BRCC3: variants seen among roughly 807,000 people sequenced by gnomAD.
BRCC3 encodes the protein lys-63-specific deubiquitinase BRCC36.
In BRCC3, 15 loss-of-function variants were observed where a neutral mutation model predicts 28.0. The observed-to-expected ratio is 0.54, with a 90% CI of 0.36 to 0.82. BRCC3 has a LOEUF of 0.82. BRCC3 is among the 40% of genes least tolerant of loss of function. The probability of loss-of-function intolerance (pLI) is 0.01; values close to 1 mark genes in which losing one functional copy is unlikely to be tolerated. For missense variants in BRCC3, 109 were observed against 225.9 expected (o/e 0.48, Z 3.32); for synonymous variants, 66 against 80.3 (o/e 0.82, Z 0.95).
chrX:155,091,896 G>A, intron 7 of BRCC3, among the ~76,000 whole-genome samples: 1 of 110,863 alleles, frequency 9.0e-6, no homozygotes, highest in East Asian at 2.8e-4. Flanking sequence ...GCTATGATTT[G>A]TGTAAAGATG....
chrX:155,099,060 T>C (rs2074229101), intron 7 of BRCC3, among the ~76,000 whole-genome samples: 1 of 111,701 alleles, frequency 9.0e-6, no homozygotes, highest in African/African-American at 3.2e-5. Flanking sequence ...GTCCTCTTTG[T>C]CCTATTTATT....
chrX:155,074,239 C>A (rs1174636319), intron 3 of BRCC3, among the ~76,000 whole-genome samples: 3 of 112,151 alleles, frequency 2.7e-5, no homozygotes, highest in Non-Finnish European at 5.6e-5. Context: ...AAATTACTCT[C>A]ATTTTCAGAA....
intron 7 of BRCC3, among the ~76,000 whole-genome samples, 174 bp from the exon 8 acceptor site, chrX:155,115,883 C>T (rs1165059614): frequency 8.9e-6 from 1 of 112,088 alleles, no homozygotes; most frequent in East Asian, 2.8e-4. Context: ...AGTTTGCTCT[C>T]CAGACGAACC....
At position 155,120,104 on chromosome X, in the gene BRCC3, A is replaced by G; in HGVS notation, c.830A>G (p.Gln277Arg). Residue 277 changes from glutamine (Q) to arginine (R), a missense_variant, in exon 10 of 11, where the codon CAA (glutamine) becomes CGA (arginine). By Grantham distance (43) the Gln-to-Arg change is conservative. This residue lies in a region of BRCC3 where 50 missense variants were observed against 115.2 expected (regional missense o/e 0.43). Transcript: ENST00000330045. ...AACCAACAGCATTTGCAGGAATTAC[A>G]ACAAGAAAAGGAAGAGCTTATGCAA... ...EQNQQHLQELQQEKEELMQEL... is the reference protein window; with the variant it reads ...EQNQQHLQELRQEKEELMQEL... 3.3e-6 allele frequency: 4 copies of G among 1,211,551 alleles called. No homozygotes were observed. The highest frequency in any genetic ancestry group is 4.5e-6 in the Non-Finnish European group (4 of 895,079).
chrX:155,077,647 C>T (rs138974831), intron 4 of BRCC3, among the ~76,000 whole-genome samples: 1 of 111,523 alleles, frequency 9.0e-6, no homozygotes, highest in Admixed American at 9.5e-5. Flanking sequence ...CTATCTTGGT[C>T]TCTATCCTCT....
At chrX:155,086,495 C>T (rs925034025) in intron 5 of BRCC3, among the ~76,000 whole-genome samples, 2 of 111,025 alleles carry the variant, frequency 1.8e-5, no homozygotes, top group Admixed American at 9.5e-5. Flanking sequence ...GGATCACAGG[C>T]ACGCGCCACC....
chrX:155,107,966 C>G (rs981204794), intron 7 of BRCC3, among the ~76,000 whole-genome samples: 2 of 111,611 alleles, frequency 1.8e-5, no homozygotes, highest in Non-Finnish European at 3.8e-5. Flanking sequence ...CCAGCTCAAT[C>G]AATTTTCACA....
intron 7 of BRCC3, among the ~76,000 whole-genome samples, chrX:155,098,159 T>A (rs1392099215): frequency 8.9e-6 from 1 of 112,269 alleles, no homozygotes; most frequent in African/African-American, 3.2e-5. Flanking sequence ...ACCAGGTTTA[T>A]TTTCTGTCTT....
At chrX:155,113,375 A>T (rs1264766723) in intron 7 of BRCC3, among the ~76,000 whole-genome samples, 1 of 109,662 alleles carries the variant, frequency 9.1e-6, no homozygotes, top group Admixed American at 9.8e-5. Context: ...AACTTCAACA[A>T]GGATACCAAC....
chrX:155,077,928 A>T (rs1444717058), intron 4 of BRCC3, among the ~76,000 whole-genome samples: 1 of 112,164 alleles, frequency 8.9e-6, no homozygotes, highest in East Asian at 2.8e-4. Context: ...CTGAATGCTC[A>T]AGTGGGACCC....
intron 5 of BRCC3, among the ~76,000 whole-genome samples, chrX:155,087,771 C>T (rs1470320953): frequency 2.7e-5 from 3 of 111,686 alleles, no homozygotes; most frequent in African/African-American, 9.8e-5. Context: ...CAGCTGAGAT[C>T]AGGTAAATTG....
chrX:155,075,077 A>G (rs782615370), intron 3 of BRCC3, among the ~76,000 whole-genome samples: 26 of 112,815 alleles, frequency 2.3e-4, no homozygotes, highest in African/African-American at 8.1e-4. Flanking sequence ...AAGGATTATT[A>G]TTTTAATATG....
intron 9 of BRCC3, among the ~76,000 whole-genome samples, chrX:155,117,069 G>T (rs150368843): frequency 8.9e-6 from 1 of 112,175 alleles, no homozygotes. Context: ...CTGATTTGTC[G>T]TGTTTGACGG....
chrX:155,097,454 G>C (rs2074217628), intron 7 of BRCC3, among the ~76,000 whole-genome samples: 1 of 111,511 alleles, frequency 9.0e-6, no homozygotes. Context: ...TAATGAGTTA[G>C]GATGGCTATT....
chrX:155,080,981 C>T (rs899567025), intron 5 of BRCC3, among the ~76,000 whole-genome samples: 1 of 111,440 alleles, frequency 9.0e-6, no homozygotes, highest in Non-Finnish European at 1.9e-5. Flanking sequence ...AGACAATATT[C>T]AAAGGATTAA....
At chrX:155,075,801 G>C (rs1413739022) in intron 3 of BRCC3, among the ~76,000 whole-genome samples, 12 of 111,279 alleles carry the variant, frequency 1.1e-4, no homozygotes, top group African/African-American at 2.6e-4. Flanking sequence ...CTTGGCATTT[G>C]AGGTCTTGTA....
intron 3 of BRCC3, among the ~76,000 whole-genome samples, chrX:155,075,278 A>T (rs1417073769): frequency 2.0e-5 from 1 of 50,516 alleles, no homozygotes; most frequent in South Asian, 8.5e-4. Flanking sequence ...TGATAATGCT[A>T]AGCCCACTCT....
chrX:155,072,074 G>A (rs187785889), intron 1 of BRCC3, among the ~76,000 whole-genome samples: 3 of 112,193 alleles, frequency 2.7e-5, no homozygotes, highest in African/African-American at 9.7e-5. Context: ...ATCAACCAAA[G>A]CATTTGAAGG....
At chrX:155,093,834 T>A (rs1387203824) in intron 7 of BRCC3, among the ~76,000 whole-genome samples, 2 of 110,049 alleles carry the variant, frequency 1.8e-5, no homozygotes, top group East Asian at 5.8e-4. Flanking sequence ...TTCTTTTTAC[T>A]CATATTTTCT....
Sources: gnomAD v4.1 joint callset for allele counts (sites outside exome capture counted in the v4.1 genomes callset) on GRCh38, gnomAD v4.1.1 for gene constraint, gnomAD v4.1.1 regional missense constraint, MANE v1.5 for transcripts, NCBI Gene and HGNC (gene_info 2026-07-23, HGNC 2026-07-21) for gene names.